Variants in EWSR1 observed in about 807,000 individuals in gnomAD.
EWSR1 encodes RNA-binding protein EWS.
Under a neutral mutation model 92.1 loss-of-function variants are expected in EWSR1, and 14 were observed. That is an observed-to-expected ratio of 0.15 (90% CI 0.10 to 0.24). The LOEUF is 0.24. Ranked by LOEUF, EWSR1 falls within the 10% of genes least tolerant of loss-of-function variation. EWSR1 has a pLI of 1.00. For synonymous variants in EWSR1, 303 were observed against 292.9 expected (o/e 1.03, Z -0.35); for missense variants, 637 against 870.9 (o/e 0.73, Z 3.38).
chr22:29,280,143 C>T (rs1032303961), intron 5 of EWSR1, among the ~76,000 whole-genome samples: 1 of 152,074 alleles, frequency 6.6e-6, no homozygotes, highest in African/African-American at 2.4e-5. Context: ...AGTGCAGTGG[C>T]GAGTGCACCC....
At chr22:29,294,315 CA>C (rs2060670864) in intron 11 of EWSR1, among the ~76,000 whole-genome samples, 1 of 151,904 alleles carries the variant, frequency 6.6e-6, no homozygotes. Flanking sequence ...TATAGAAATA[CA>C]GTTGATTTGG....
intron 1 of EWSR1, 126 bp from the exon 2 acceptor site, chr22:29,272,090 A>T: frequency 2.5e-6 from 2 of 794,298 alleles, no homozygotes; most frequent in Non-Finnish European, 4.2e-6. Context: ...ACTCATTTGG[A>T]CCTGTGTTGG....
chr22:29,285,497 T>G (rs1384779086), intron 6 of EWSR1, among the ~76,000 whole-genome samples: 1 of 151,362 alleles, frequency 6.6e-6, no homozygotes, highest in Non-Finnish European at 1.5e-5. Context: ...TGACATAATC[T>G]TAATATTTGT....
At position 29,300,311 on chromosome 22, in the gene EWSR1, G is replaced by A. The variant is rs986140548; in HGVS notation, c.*150G>A. On this transcript the variant is annotated 3_prime_UTR_variant, in exon 17 of 17. Coordinates refer to ENST00000397938, the MANE Select transcript of EWSR1 (RefSeq NM_005243.4). ...TTTAGTATTTTTCACCATTTGTGAA[G>A]AAACATTAAAACAAGTTAAATGGTA... 3.2e-4 allele frequency: 250 copies of A among 780,818 alleles called. 3 individuals carry two copies. The highest frequency in any genetic ancestry group is 7.2e-5 in the Non-Finnish European group (36 of 501,280). The allele number at this position is 780,818 out of a possible 1,614,324, so 48.4% of individuals were successfully genotyped here. A position where few individuals can be genotyped will look rare whatever the true frequency, so the allele number is the denominator to read the frequency against.
chr22:29,287,899 G>A (rs909832674), intron 7 of EWSR1, among the ~76,000 whole-genome samples: 1 of 152,106 alleles, frequency 6.6e-6, no homozygotes, highest in African/African-American at 2.4e-5. Context: ...AAATGGCCAG[G>A]CATGGTGGCT....
chr22:29,292,859 C>G (rs1394130937), intron 11 of EWSR1, among the ~76,000 whole-genome samples: 2 of 149,668 alleles, frequency 1.3e-5, no homozygotes, highest in Non-Finnish European at 3.0e-5. Context: ...TCTGTTCAAG[C>G]GAATCTCCTG....
intron 11 of EWSR1, among the ~76,000 whole-genome samples, chr22:29,294,332 C>T (rs758139891): frequency 4.6e-5 from 7 of 152,116 alleles, no homozygotes; most frequent in Non-Finnish European, 1.0e-4. Flanking sequence ...TTTGGCCGGG[C>T]GCGGTAGCTC....
rs938602638 is a variant in EWSR1, at chr22:29,273,202, C to T, written c.103-539C>T. Among the ~76,000 whole-genome samples, 17 of 152,288 alleles carry T rather than the reference C, an allele frequency of 1.1e-4. No individual in the cohort carries two copies. The South Asian group carries it at 1.5e-3, about 13-fold the overall frequency. On this transcript the variant is annotated intron_variant, in intron 3 of 16. Transcript: ENST00000397938. ...GTGCCCACCATAAGAGGACATACAG[C>T]GTTCTGGTTCATTTTCTTTGAAGTG...
intron 4 of EWSR1, chr22:29,275,720 C>T: frequency 4.4e-6 from 1 of 229,226 alleles, no homozygotes. Flanking sequence ...TAGAAATACA[C>T]TGTTCTCTTC....
chr22:29,286,141 A>AT, intron 6 of EWSR1, among the ~76,000 whole-genome samples: 1 of 144,282 alleles, frequency 6.9e-6, no homozygotes. Flanking sequence ...ACCCGGCCTG[A>AT]TTTTTTGGGT....
chr22:29,285,491 A>G (rs1448698427), intron 6 of EWSR1, among the ~76,000 whole-genome samples: 1 of 151,372 alleles, frequency 6.6e-6, no homozygotes, highest in Non-Finnish European at 1.5e-5. Flanking sequence ...TGTAATTGAC[A>G]TAATCTTAAT....
Position 29,282,495 on chromosome 22 carries a change from C to T in EWSR1, c.519C>T (p.Pro173=), listed in dbSNP as rs1457532142. 22 of 1,568,372 alleles carry T rather than the reference C, an allele frequency of 1.4e-5. No individual in the cohort carries two copies. Among genetic ancestry groups the T allele is most frequent in the Non-Finnish European group, 1.9e-5 (22 of 1,162,908 alleles). The change falls in exon 6 of 17, where the codon CCC becomes CCT. Residue 173 remains proline (P), a synonymous_variant. Coordinates refer to ENST00000397938, the MANE Select transcript of EWSR1 (RefSeq NM_005243.4). ...LGYGQSNYSY[P]QVPGSYPMQP... ...ATGGACAGAGTAACTACAGTTATCC[C>T]CAGGTACCTGGGAGCTACCCCATGC...
chr22:29,279,475 A>G (rs1050071213), intron 5 of EWSR1, among the ~76,000 whole-genome samples: 1 of 152,242 alleles, frequency 6.6e-6, no homozygotes, highest in Non-Finnish European at 1.5e-5. Flanking sequence ...GTACCCTGCT[A>G]TAGGATGAGC....
In EWSR1 at chr22:29,298,827, T is replaced by C. The variant is rs1602594962; in HGVS notation, c.1512T>C (p.Gly504=). The change falls in exon 14 of 17, where the codon GGT becomes GGC. Residue 504 remains glycine (G), a synonymous_variant. Coordinates refer to ENST00000397938, the MANE Select transcript of EWSR1 (RefSeq NM_005243.4). ...GCTTCCCTCCAAGAGGACCCCGGGG[T>C]TCCCGAGGGAACCCCTCTGGAGGAG... ...RGGFPPRGPR[G]SRGNPSGGGN... The C allele has an allele frequency of 1.3e-6, 2 of 1,546,534 alleles. No individual in the cohort carries two copies. The highest frequency in any genetic ancestry group is 1.8e-6 in the Non-Finnish European group (2 of 1,133,104).
intron 1 of EWSR1, 78 bp from the exon 2 acceptor site, chr22:29,272,138 G>T: frequency 7.6e-7 from 1 of 1,320,714 alleles, no homozygotes. Flanking sequence ...TTCCTGCCAC[G>T]TGAATTCTTT....
At chr22:29,268,464 G>A in intron 1 of EWSR1, 115 bp downstream of exon 1, 1 of 1,577,946 alleles carries the variant, frequency 6.3e-7, no homozygotes, top group Non-Finnish European at 8.7e-7. Flanking sequence ...AGGGGGTTGA[G>A]GCACCCGCCG....
chr22:29,296,920 A>G (rs536794101), intron 12 of EWSR1, among the ~76,000 whole-genome samples: 4 of 152,282 alleles, frequency 2.6e-5, no homozygotes, highest in South Asian at 4.1e-4. Flanking sequence ...GCACACTCCT[A>G]TACCTATAGT....
At chr22:29,269,028 C>T (rs1044176631) in intron 1 of EWSR1, among the ~76,000 whole-genome samples, 1 of 152,206 alleles carries the variant, frequency 6.6e-6, no homozygotes, top group African/African-American at 2.4e-5. Context: ...TTGGGCTTCT[C>T]CATTTTTATC....
intron 1 of EWSR1, among the ~76,000 whole-genome samples, chr22:29,270,037 G>A (rs967533323): frequency 2.0e-5 from 3 of 152,170 alleles, no homozygotes; most frequent in Non-Finnish European, 2.9e-5. Flanking sequence ...GTAAAATACA[G>A]AAGTTAGGCT....
Sources: allele counts gnomAD v4.1 joint callset (sites outside exome capture counted in the v4.1 genomes callset), GRCh38; gene constraint gnomAD v4.1.1; transcripts MANE v1.5; gene names NCBI Gene and HGNC (gene_info 2026-07-23, HGNC 2026-07-21).